PDE11A: variants seen among roughly 807,000 people sequenced by gnomAD.
PDE11A encodes the protein dual 3',5'-cyclic-AMP and -GMP phosphodiesterase 11A.
In PDE11A, 100 loss-of-function variants were observed where a neutral mutation model predicts 100.5. That is an observed-to-expected ratio of 1.00 (90% CI 0.85 to 1.18). The LOEUF (loss-of-function observed/expected upper bound fraction) is 1.18. Among genes scored for constraint, PDE11A ranks in the 50% most tolerant of loss-of-function variants. The pLI is 0.00. For missense variants in PDE11A, 1,141 were observed against 1,152.6 expected (o/e 0.99, Z 0.15); for synonymous variants, 381 against 420.8 (o/e 0.91, Z 1.16).
At chr2:178,030,610 T>C (rs1574353465) in intron 1 of PDE11A, among the ~76,000 whole-genome samples, 1 of 149,892 alleles carries the variant, frequency 6.7e-6, no homozygotes, top group African/African-American at 2.4e-5. Context: ...GCATAGTGGC[T>C]CACACCTGTA....
Position 177,871,953 on chromosome 2 carries a change from C to T in PDE11A, c.1367+3906G>A, listed in dbSNP as rs527267260. Among the ~76,000 whole-genome samples the T allele has an allele frequency of 8.5e-5, 13 of 152,286 alleles. No individual in the cohort carries two copies. In the South Asian group the frequency reaches 2.7e-3, roughly 32 times the overall value. ...TATGTTACACTACATAGGAGAAATG[C>T]TTAAGCAGCCAAATATATAAATTAT... On this transcript the variant is annotated intron_variant, in intron 5 of 19. Transcript: ENST00000286063.
intron 2 of PDE11A, among the ~76,000 whole-genome samples, chr2:177,995,478 A>T (rs1309323904): frequency 6.6e-6 from 1 of 152,158 alleles, no homozygotes; most frequent in Non-Finnish European, 1.5e-5. Context: ...AACTATTCCT[A>T]AAAAAATACA....
At chr2:177,906,201 G>A (rs75857132) in intron 2 of PDE11A, among the ~76,000 whole-genome samples, 2,809 of 146,138 alleles carry the variant, frequency 0.019, 52 homozygotes, top group South Asian at 0.048. Context: ...ACGCACGCAC[G>A]CACACAATGG....
intron 1 of PDE11A, chr2:178,105,712 G>T: frequency 9.6e-7 from 1 of 1,041,866 alleles, no homozygotes; most frequent in South Asian, 2.2e-5. Flanking sequence ...TGATGGCATA[G>T]GTCTCACCTG....
At chr2:177,916,073 T>G (rs1048931781) in intron 2 of PDE11A, among the ~76,000 whole-genome samples, 1 of 152,242 alleles carries the variant, frequency 6.6e-6, no homozygotes, top group Non-Finnish European at 1.5e-5. Flanking sequence ...CAGCTAGATA[T>G]GAAACTTTGG....
intron 9 of PDE11A, among the ~76,000 whole-genome samples, chr2:177,778,788 T>C (rs1439227187): frequency 6.6e-6 from 1 of 152,176 alleles, no homozygotes; most frequent in Non-Finnish European, 1.5e-5. Flanking sequence ...ACAGACGCGT[T>C]GAAACTGAGA....
rs975122250 is a variant in PDE11A, at chr2:177,982,274, T to A, written c.1071+32028A>T. ...CAGTTTTCTCTGCCATAACCCTGAT[T>A]GTAACTCCACTCTCATCATGGAACT... On this transcript the variant is annotated intron_variant, in intron 2 of 19. Coordinates refer to ENST00000286063, the MANE Select transcript of PDE11A (RefSeq NM_016953.4). Among the ~76,000 whole-genome samples, 4 of 150,746 alleles carry A rather than the reference T, an allele frequency of 2.7e-5. 1 individual carries two copies. The highest frequency in any genetic ancestry group is 5.9e-5 in the Non-Finnish European group (4 of 67,298).
intron 9 of PDE11A, among the ~76,000 whole-genome samples, chr2:177,798,711 GTATA>G (rs1457635420): frequency 1.3e-5 from 2 of 152,136 alleles, no homozygotes; most frequent in African/African-American, 4.8e-5. Flanking sequence ...AAATATTGGT[GTATA>G]TATATCCTGA....
chr2:177,807,429 T>C (rs1397724457), intron 9 of PDE11A, among the ~76,000 whole-genome samples: 2 of 152,096 alleles, frequency 1.3e-5, no homozygotes, highest in Non-Finnish European at 2.9e-5. Context: ...TTTTATTTTA[T>C]TTTATTTTTT....
At chr2:177,879,350 A>G (rs2084293203) in intron 4 of PDE11A, among the ~76,000 whole-genome samples, 1 of 152,212 alleles carries the variant, frequency 6.6e-6, no homozygotes, top group African/African-American at 2.4e-5. Context: ...TCTCTTTTTG[A>G]TGAGTTAAAC....
At chr2:177,801,342 A>G (rs1381392798) in intron 9 of PDE11A, among the ~76,000 whole-genome samples, 1 of 152,210 alleles carries the variant, frequency 6.6e-6, no homozygotes, top group Non-Finnish European at 1.5e-5. Flanking sequence ...GTTCATGACA[A>G]TATGAATACT....
chr2:177,891,302 C>T (rs2084525199), intron 4 of PDE11A, among the ~76,000 whole-genome samples: 1 of 152,152 alleles, frequency 6.6e-6, no homozygotes, highest in African/African-American at 2.4e-5. Context: ...GACTCCATCT[C>T]CAAATATATT....
At chr2:178,018,548 C>T (rs2086368864) in intron 1 of PDE11A, 1 of 379,820 alleles carries the variant, frequency 2.6e-6, no homozygotes, top group African/African-American at 2.1e-5. Flanking sequence ...CATGCCATTC[C>T]ACTAACAATA....
chr2:177,898,960 C>T lies in PDE11A; in HGVS notation c.1162-762G>A, dbSNP rs142348168. Among the ~76,000 whole-genome samples, 809 of 152,216 alleles carry T rather than the reference C, an allele frequency of 5.3e-3. 7 individuals are homozygous for T. The highest frequency in any genetic ancestry group is 0.018 in the African/African-American group (755 of 41,524). ...CCATTTCTCTGGAGTCTGTATCTCC[C>T]GAATTGGCCATTCCCAGCTTTTCAC... On this transcript the variant is annotated intron_variant, in intron 3 of 19. Coordinates refer to ENST00000286063, the MANE Select transcript of PDE11A (RefSeq NM_016953.4).
At position 177,715,393 on chromosome 2, in the gene PDE11A, C is replaced by G. The variant is rs148790049; in HGVS notation, c.2044-3515G>C. Reference sequence around the variant, plus strand: ...TTGGGTTGGAACTTTTTTCCCCGTTCAATTTGTGTGTTAAGCCTAATCTGG... The same window carrying G: ...TTGGGTTGGAACTTTTTTCCCCGTTGAATTTGTGTGTTAAGCCTAATCTGG... On this transcript the variant is annotated intron_variant, in intron 12 of 19. Transcript: ENST00000286063. Among the ~76,000 whole-genome samples the G allele has an allele frequency of 2.7e-3, 408 of 152,112 alleles. 3 individuals carry two copies. Among genetic ancestry groups the G allele is most frequent in the African/African-American group, 9.5e-3 (395 of 41,488 alleles).
At chr2:177,921,811 A>G (rs2085053191) in intron 2 of PDE11A, 1 of 152,184 alleles carries the variant, frequency 6.6e-6, no homozygotes, top group African/African-American at 2.4e-5. Flanking sequence ...CTACAGCATA[A>G]AGCTAGCAAC....
At position 178,065,362 on chromosome 2, in the gene PDE11A, T is replaced by C. The variant is rs191847891; in HGVS notation, c.912+6164A>G. On this transcript the variant is annotated intron_variant, in intron 1 of 19. Transcript: ENST00000286063. ...TAAGCCAGGCTTGTCAATAAACAGG[T>C]GACCCAAACCTCAGGAACCAAAATA... Among the ~76,000 whole-genome samples, 20 of 152,276 alleles carry C rather than the reference T, an allele frequency of 1.3e-4. 1 individual carries two copies. The East Asian group carries it at 3.7e-3, about 28-fold the overall frequency.
At chr2:177,920,077 G>A (rs950121086) in intron 2 of PDE11A, among the ~76,000 whole-genome samples, 1 of 152,022 alleles carries the variant, frequency 6.6e-6, no homozygotes, top group Non-Finnish European at 1.5e-5. Context: ...AAAGCCCAGG[G>A]AAATTAAAGA....
intron 4 of PDE11A, among the ~76,000 whole-genome samples, chr2:177,895,303 A>G (rs2695094): frequency 0.34 from 51,965 of 151,976 alleles, 10,704 homozygotes; most frequent in East Asian, 0.53. Context: ...CTGCAATACT[A>G]GTACTTTGGG....
Sources: allele counts gnomAD v4.1 joint callset (sites outside exome capture counted in the v4.1 genomes callset), GRCh38; gene constraint gnomAD v4.1.1; transcripts MANE v1.5; gene names NCBI Gene and HGNC (gene_info 2026-07-23, HGNC 2026-07-21).